RELT: variants seen among roughly 807,000 people sequenced by gnomAD.
RELT encodes the protein tumor necrosis factor receptor superfamily member 19L.
In RELT, 37 loss-of-function variants were observed where a neutral mutation model predicts 51.1. That is an observed-to-expected ratio of 0.72 (90% CI 0.56 to 0.95). The LOEUF (loss-of-function observed/expected upper bound fraction) is 0.95, where lower values mean the gene tolerates loss of function less well. Ranked by LOEUF, RELT falls within the 40% of genes least tolerant of loss-of-function variation. The pLI, the probability that RELT is intolerant of heterozygous loss-of-function variation, is 0.00. For synonymous variants in RELT, 241 were observed against 235.7 expected (o/e 1.02, Z -0.21); for missense variants, 535 against 572.6 (o/e 0.93, Z 0.67).
Position 73,395,233 on chromosome 11 carries a change from GT to G in RELT, c.1194del (p.Ser398ArgfsTer9). On this transcript the variant is annotated frameshift_variant, in exon 10 of 11. Coordinates refer to ENST00000064780, the MANE Select transcript of RELT (RefSeq NM_152222.2). LOFTEE classifies it high-confidence loss of function. ...LPPEQQALLG[S>X]GGSRTKWLKP... ...CCTGAGCAGCAGGCCCTGCTAGGAAGTGGCGGAAGCCGTACAAAGTGGCTGA... is the reference window on the plus strand; with the variant it reads ...CCTGAGCAGCAGGCCCTGCTAGGAAGGGCGGAAGCCGTACAAAGTGGCTGA... 1.2e-6 allele frequency: 2 copies of G among 1,613,186 alleles called. No homozygotes were observed. Among genetic ancestry groups the G allele is most frequent in the Non-Finnish European group, 1.7e-6 (2 of 1,179,958 alleles).
chr11:73,394,490 C>G lies in RELT; in HGVS notation c.802C>G (p.Pro268Ala), dbSNP rs1249209669. ...HRPVSKLPPA[P>A]PNVPHICPHR... ...TGCCCCCTGCAGGCTGCCGCCAGCG[C>G]CCCCGAACGTGCCACACATCTGCCC... The change falls in exon 9 of 11, where the codon CCC becomes GCC. Residue 268 changes from proline to alanine, a missense_variant. Physicochemically the swap from Pro to Ala is conservative, Grantham distance 27. Transcript: ENST00000064780. The surrounding 1 kb of genome is among the most constrained non-coding windows in gnomAD (Gnocchi z 4.9). 1 of 1,609,760 alleles carries G rather than the reference C, an allele frequency of 6.2e-7. No homozygotes were observed. The highest frequency in any genetic ancestry group is 1.1e-5 in the South Asian group (1 of 91,022).
At chr11:73,386,364 C>T (rs1386974940) in intron 1 of RELT, among the ~76,000 whole-genome samples, 2 of 152,250 alleles carry the variant, frequency 1.3e-5, no homozygotes, top group Non-Finnish European at 2.9e-5. Flanking sequence ...TATCCCCTCC[C>T]AGCCGAGGGG....
intron 1 of RELT, among the ~76,000 whole-genome samples, chr11:73,378,247 C>T (rs906905015): frequency 3.9e-5 from 6 of 152,064 alleles, no homozygotes; most frequent in Non-Finnish European, 8.8e-5. Context: ...AGCTGAGCTC[C>T]CTAGTCTAGG....
chr11:73,392,064 C>T (rs1866223598), intron 5 of RELT, 147 bp from the exon 6 acceptor site: 1 of 919,128 alleles, frequency 1.1e-6, no homozygotes, highest in African/African-American at 1.7e-5. Context: ...AGTGGGTTGA[C>T]CTTTGCATCC....
At position 73,388,956 on chromosome 11, in the gene RELT, C is replaced by T. The variant is rs1311549650; in HGVS notation, c.-25-156C>T. Among the ~76,000 whole-genome samples, 1 of 152,198 alleles carries T rather than the reference C, an allele frequency of 6.6e-6. No individual in the cohort carries two copies. Among genetic ancestry groups the T allele is most frequent in the Non-Finnish European group, 1.5e-5 (1 of 68,022 alleles). On this transcript the variant is annotated intron_variant, in intron 1 of 10. Transcript: ENST00000064780. This position sits in a 1 kb window ranked among gnomAD's most constrained non-coding sequence, Gnocchi z 4.1. ...GCAGCCCCCTCTGCTTGGGCCTGTG[C>T]TTGCGGGTGTGGAGCCGGCCTCCCC...
At chr11:73,392,927 G>A in intron 6 of RELT, 1 of 1,017,404 alleles carries the variant, frequency 9.8e-7, no homozygotes, top group Non-Finnish European at 1.2e-6. Flanking sequence ...TGTAGTTTGA[G>A]TTACAAGGCC....
intron 7 of RELT, 74 bp downstream of exon 7, chr11:73,393,991 C>T (rs369571867): frequency 1.6e-4 from 227 of 1,433,438 alleles, no homozygotes; most frequent in African/African-American, 1.4e-3. Context: ...GAGGCAGCCG[C>T]GGTGGGCAGA....
At chr11:73,377,358 G>T (rs998410842) in intron 1 of RELT, among the ~76,000 whole-genome samples, 1 of 151,936 alleles carries the variant, frequency 6.6e-6, no homozygotes. Context: ...GACACCTTCC[G>T]GCAGATGTGG....
chr11:73,377,862 TG>T, intron 1 of RELT, among the ~76,000 whole-genome samples: 1 of 151,942 alleles, frequency 6.6e-6, no homozygotes, highest in East Asian at 1.9e-4. Context: ...AGGCTTCTCC[TG>T]GGGACACAGC....
chr11:73,382,400 G>A (rs985171579), intron 1 of RELT, among the ~76,000 whole-genome samples: 1 of 152,212 alleles, frequency 6.6e-6, no homozygotes, highest in Non-Finnish European at 1.5e-5. Flanking sequence ...TTTATGGCCG[G>A]GGCAGGTGGC....
Position 73,394,715 on chromosome 11 carries a change from A to G in RELT, c.1027A>G (p.Thr343Ala). 1 of 1,610,624 alleles carries G rather than the reference A, an allele frequency of 6.2e-7. No individual in the cohort carries two copies. The highest frequency in any genetic ancestry group is 8.5e-7 in the Non-Finnish European group (1 of 1,179,840). Residue 343 changes from threonine to alanine, a missense_variant, in exon 9 of 11, where the codon ACC becomes GCC. Coordinates refer to ENST00000064780, the MANE Select transcript of RELT (RefSeq NM_152222.2). The surrounding 1 kb of genome is among the most constrained non-coding windows in gnomAD (Gnocchi z 4.9). ...GAKAGRQGEITILSVGRFRVA... is the reference protein window; with the variant it reads ...GAKAGRQGEIAILSVGRFRVA... ...CAAGGCAGGGCGTCAGGGCGAGATCACCATCTTGTCTGTGGGCAGGTGAGA... is the reference window on the plus strand; with the variant it reads ...CAAGGCAGGGCGTCAGGGCGAGATCGCCATCTTGTCTGTGGGCAGGTGAGA...
chr11:73,392,579 G>A (rs1866236550), intron 6 of RELT, 111 bp downstream of exon 6: 1 of 1,444,554 alleles, frequency 6.9e-7, no homozygotes, highest in Middle Eastern at 2.3e-4. Context: ...CTGAGAGGGA[G>A]AGGCTTGGGA....
chr11:73,388,759 T>TCACGGACACAGGCCGCCA lies in RELT; in HGVS notation c.-25-348_-25-331dup, dbSNP rs1223817693. On this transcript the variant is annotated intron_variant, in intron 1 of 10. Transcript: ENST00000064780. The surrounding 1 kb of genome is among the most constrained non-coding windows in gnomAD (Gnocchi z 4.1). The stretch of plus-strand genomic sequence containing the variant: ...TTGGGTGTTGGTTGCAACCCTGTCA[T>TCACGGACACAGGCCGCCA]CACGGACACAGGCCGCCACACGCGC... Among the ~76,000 whole-genome samples the TCACGGACACAGGCCGCCA allele has an allele frequency of 4.6e-5, 7 of 152,132 alleles. No individual in the cohort carries two copies. The highest frequency in any genetic ancestry group is 1.0e-4 in the Non-Finnish European group (7 of 68,014).
At chr11:73,385,091 G>C (rs1006501522) in intron 1 of RELT, among the ~76,000 whole-genome samples, 1 of 152,160 alleles carries the variant, frequency 6.6e-6, no homozygotes, top group Non-Finnish European at 1.5e-5. Context: ...GCCAGAACTG[G>C]GTGTCAGGGC....
At chr11:73,393,400 G>C in intron 6 of RELT, 2 of 1,161,766 alleles carry the variant, frequency 1.7e-6, no homozygotes, top group Non-Finnish European at 2.2e-6. Context: ...AGCTGACTAG[G>C]GGCACTCAGT....
chr11:73,377,464 C>G (rs1053541561), intron 1 of RELT, among the ~76,000 whole-genome samples: 4 of 151,960 alleles, frequency 2.6e-5, no homozygotes, highest in Admixed American at 6.5e-5. Flanking sequence ...GGAGATGGAC[C>G]CTGAGGGATA....
rs532702025 is a variant in RELT, at chr11:73,392,545, G to A, written c.625+77G>A. 236 of 1,534,018 alleles carry A rather than the reference G, an allele frequency of 1.5e-4. 3 individuals are homozygous for A. The South Asian group carries it at 2.4e-3, about 15-fold the overall frequency. ...CCAGCTCCACTTGGGGGCTGCCAGC[G>A]GAATCCTGCCTGGCCTCTGGGGTCT... On this transcript the variant is annotated intron_variant, in intron 6 of 10. Transcript: ENST00000064780.
chr11:73,392,829 G>A, intron 6 of RELT: 1 of 1,169,518 alleles, frequency 8.6e-7, no homozygotes, highest in Non-Finnish European at 1.1e-6. Context: ...GCCTGGAGTA[G>A]CAGGAGTGCC....
In RELT at chr11:73,381,797, G is replaced by A. The variant is rs56931627; in HGVS notation, c.-26+5298G>A. Among the ~76,000 whole-genome samples the A allele has an allele frequency of 7.3e-3, 1,114 of 152,262 alleles. 16 individuals carry two copies. Among genetic ancestry groups the A allele is most frequent in the African/African-American group, 0.026 (1,075 of 41,542 alleles). ...AGCAGGTGGACGTAGGCCTGTACAG[G>A]GGCTGGGACATGGGCACCCAGGGCC... On this transcript the variant is annotated intron_variant, in intron 1 of 10. Transcript: ENST00000064780.
Sources: gnomAD v4.1 joint callset for allele counts (sites outside exome capture counted in the v4.1 genomes callset) on GRCh38, gnomAD v4.1.1 for gene constraint, Gnocchi (gnomAD v3.1) non-coding constraint, MANE v1.5 for transcripts, NCBI Gene and HGNC (gene_info 2026-07-23, HGNC 2026-07-21) for gene names.